The following NKAIN3 variants were observed in gnomAD, a reference collection of about 807,000 sequenced individuals.
NKAIN3 encodes sodium/potassium-transporting ATPase subunit beta-1-interacting protein 3.
NKAIN3 carries 25 observed loss-of-function variants against 30.2 expected under a neutral mutation model. The ratio of observed to expected loss-of-function variants is 0.83; its 90% CI spans 0.60 to 1.16. The LOEUF (loss-of-function observed/expected upper bound fraction) is 1.16. Ranked by LOEUF, NKAIN3 falls within the 50% of genes most tolerant of loss-of-function variation. The probability of loss-of-function intolerance (pLI) is 0.00; values close to 1 mark genes in which losing one functional copy is unlikely to be tolerated. For synonymous variants in NKAIN3, 91 were observed against 89.6 expected, an observed-to-expected ratio of 1.02 and a Z score of -0.09; for missense variants, 225 against 254.1, an observed-to-expected ratio of 0.89 and a Z score of 0.78.
chr8:62,290,899 A>T (rs1486199493), intron 1 of NKAIN3, among the ~76,000 whole-genome samples: 2 of 152,170 alleles, frequency 1.3e-5, no homozygotes, highest in African/African-American at 4.8e-5. Context: ...GCTATTCATT[A>T]TTGCCTCAAT....
At chr8:62,617,243 G>A (rs914462042) in intron 3 of NKAIN3, among the ~76,000 whole-genome samples, 4 of 152,058 alleles carry the variant, frequency 2.6e-5, no homozygotes, top group African/African-American at 9.7e-5. Flanking sequence ...ATGCAAGAAT[G>A]GCCTAACACA....
chr8:62,316,110 G>A (rs902780209), intron 1 of NKAIN3, among the ~76,000 whole-genome samples: 17 of 152,006 alleles, frequency 1.1e-4, no homozygotes, highest in African/African-American at 3.9e-4. Context: ...AGACATATTT[G>A]CTTCCTCGTC....
At chr8:62,385,306 C>T (rs974680410) in intron 1 of NKAIN3, among the ~76,000 whole-genome samples, 4 of 152,150 alleles carry the variant, frequency 2.6e-5, no homozygotes, top group Non-Finnish European at 5.9e-5. Flanking sequence ...GGGTACAACT[C>T]AACTCCATCA....
At position 62,966,373 on chromosome 8, in the gene NKAIN3, A is replaced by C. The variant is rs1478155691; in HGVS notation, c.*966A>C. 3.0e-6 allele frequency: 3 copies of C among 985,150 alleles called. No homozygotes were observed. Among genetic ancestry groups the C allele is most frequent in the Non-Finnish European group, 3.6e-6 (3 of 829,796 alleles). 61.0% of individuals were successfully genotyped at this position (985,150 alleles called of 1,614,324 possible). On this transcript the variant is annotated 3_prime_UTR_variant, in exon 7 of 7. Transcript: ENST00000623646. ...CCAATAACCAAGAAAATGATATGGGAAGCAATTATCTGTGGAAAAAAGGAC... is the reference window on the plus strand; with the variant it reads ...CCAATAACCAAGAAAATGATATGGGCAGCAATTATCTGTGGAAAAAAGGAC...
At chr8:62,664,763 AG>A (rs930953130) in intron 3 of NKAIN3, among the ~76,000 whole-genome samples, 7 of 152,168 alleles carry the variant, frequency 4.6e-5, no homozygotes, top group African/African-American at 1.7e-4. Context: ...TACAGTGTTT[AG>A]ATAACATACT....
At chr8:62,338,663 A>G (rs1815643477) in intron 1 of NKAIN3, among the ~76,000 whole-genome samples, 1 of 151,992 alleles carries the variant, frequency 6.6e-6, no homozygotes, top group Non-Finnish European at 1.5e-5. Context: ...ACAATAGGCC[A>G]TCTGCAAGCT....
At chr8:62,285,476 G>A (rs1400747755) in intron 1 of NKAIN3, among the ~76,000 whole-genome samples, 3 of 152,182 alleles carry the variant, frequency 2.0e-5, no homozygotes, top group African/African-American at 4.8e-5. Flanking sequence ...TGTGGCTAGA[G>A]CAGATTATGT....
intron 4 of NKAIN3, among the ~76,000 whole-genome samples, chr8:62,806,213 A>C (rs1354742041): frequency 1.3e-5 from 2 of 152,220 alleles, no homozygotes; most frequent in Non-Finnish European, 2.9e-5. Flanking sequence ...GTGGGACTGT[A>C]AACTAGTTCA....
At chr8:62,841,984 T>C (rs566351340) in intron 4 of NKAIN3, among the ~76,000 whole-genome samples, 1 of 152,292 alleles carries the variant, frequency 6.6e-6, no homozygotes, top group South Asian at 2.1e-4. Flanking sequence ...CTTTCATCTT[T>C]TTGGTAAAAG....
rs571328227 is a variant in NKAIN3, at chr8:62,535,644, A to G, written c.55-43895A>G. Reference sequence around the variant, plus strand: ...TATTGCAAAGGATCAAGATGAGGAGATGTATAGGGTGAGGTATGGGGGAAA... The same window carrying G: ...TATTGCAAAGGATCAAGATGAGGAGGTGTATAGGGTGAGGTATGGGGGAAA... On this transcript the variant is annotated intron_variant, in intron 1 of 6. Transcript: ENST00000623646. Among the ~76,000 whole-genome samples, 52 of 152,108 alleles carry G rather than the reference A, an allele frequency of 3.4e-4. No homozygotes were observed. The Middle Eastern group carries it at 0.014, about 40-fold the overall frequency.
At chr8:62,403,143 C>T (rs568730809) in intron 1 of NKAIN3, among the ~76,000 whole-genome samples, 4 of 152,234 alleles carry the variant, frequency 2.6e-5, no homozygotes, top group Admixed American at 2.0e-4. Context: ...TTGCCCCTGC[C>T]CTAAATATTT....
At chr8:62,925,256 A>G (rs1349815121) in intron 5 of NKAIN3, among the ~76,000 whole-genome samples, 1 of 152,180 alleles carries the variant, frequency 6.6e-6, no homozygotes, top group Non-Finnish European at 1.5e-5. Context: ...ACATCATAGG[A>G]AATCAGTGCA....
At chr8:62,320,845 C>T (rs1814863363) in intron 1 of NKAIN3, among the ~76,000 whole-genome samples, 1 of 152,098 alleles carries the variant, frequency 6.6e-6, no homozygotes, top group Admixed American at 6.5e-5. Context: ...ATCCTTGTGG[C>T]ATTCTCTGTG....
At chr8:62,772,663 CTTTTTTT>C (rs34456138) in intron 4 of NKAIN3, among the ~76,000 whole-genome samples, 1 of 137,302 alleles carries the variant, frequency 7.3e-6, no homozygotes. Flanking sequence ...CTTTTGCCTA[CTTTTTTT>C]TTTTTTTTTG....
In NKAIN3 at chr8:62,973,440, C is replaced by A. The variant is rs527876497; in HGVS notation, c.*8033C>A. Among the ~76,000 whole-genome samples, 88 of 151,326 alleles carry A rather than the reference C, an allele frequency of 5.8e-4. No individual in the cohort carries two copies. The highest frequency in any genetic ancestry group is 1.0e-3 in the Non-Finnish European group (70 of 67,836). On this transcript the variant is annotated 3_prime_UTR_variant, in exon 7 of 7. Transcript: ENST00000623646. ...CCAGTGATGATGAGATTTTTTTTTA[C>A]GTTTGTTGGCTGCATAAATGTCTTC...
chr8:62,829,270 A>C (rs761108709), intron 4 of NKAIN3, among the ~76,000 whole-genome samples: 5 of 152,216 alleles, frequency 3.3e-5, no homozygotes, highest in Non-Finnish European at 5.9e-5. Context: ...AACCTAATGC[A>C]TCAGAATCTC....
intron 5 of NKAIN3, among the ~76,000 whole-genome samples, chr8:62,945,064 G>T (rs1372393736): frequency 2.0e-5 from 3 of 152,140 alleles, no homozygotes; most frequent in Non-Finnish European, 1.5e-5. Context: ...TTCCAGGTTT[G>T]GGGGCTATAG....
rs145962672 is a variant in NKAIN3 at position 62,863,472 on chromosome 8, A to G, written c.472-54981A>G. The G allele has an allele frequency of 9.7e-6, 15 of 1,553,318 alleles. No homozygotes were observed. In the African/African-American group the frequency reaches 1.8e-4, roughly 18 times the overall value. ...ATTCTAACCCTTGAAGGAAATGTCA[A>G]ATGATACTCTTCAGACAACGTACTG... On this transcript the variant is annotated intron_variant, in intron 4 of 6. Transcript: ENST00000623646.
At chr8:62,989,576 G>A (rs903410345), downstream of NKAIN3, among the ~76,000 whole-genome samples, 2 of 152,106 alleles carry the variant, frequency 1.3e-5, no homozygotes, top group African/African-American at 4.8e-5. Flanking sequence ...TGGGAATTAT[G>A]GGAGCTACAA....
Sources: gnomAD v4.1 joint callset for allele counts (sites outside exome capture counted in the v4.1 genomes callset) on GRCh38, gnomAD v4.1.1 for gene constraint, MANE v1.5 for transcripts, NCBI Gene and HGNC (gene_info 2026-07-23, HGNC 2026-07-21) for gene names.